The following RARB variants were observed in gnomAD, a reference collection of about 807,000 sequenced individuals.
The protein encoded by RARB is HBV-activated protein.
In RARB, 17 loss-of-function variants were observed where a neutral mutation model predicts 51.9. That is an observed-to-expected ratio of 0.33 (90% CI 0.22 to 0.49). The LOEUF (loss-of-function observed/expected upper bound fraction) is 0.49. RARB is among the 20% of genes least tolerant of loss of function. RARB has a pLI of 0.99. For synonymous variants in RARB, 215 were observed against 195.4 expected, an observed-to-expected ratio of 1.10 and a Z score of -0.84; for missense variants, 369 against 550.8, an observed-to-expected ratio of 0.67 and a Z score of 3.30.
intron 3 of RARB, among the ~76,000 whole-genome samples, chr3:25,522,812 G>C (rs1575484839): frequency 2.6e-5 from 4 of 152,230 alleles, no homozygotes. Flanking sequence ...GGTATATTTT[G>C]AAACTGTATG....
chr3:25,344,310 G>C (rs1354052356), intron 5 of RARB, among the ~76,000 whole-genome samples: 1 of 152,056 alleles, frequency 6.6e-6, no homozygotes, highest in Non-Finnish European at 1.5e-5. Context: ...ATTAATTTTT[G>C]TCTGAGGTCC....
intron 3 of RARB, among the ~76,000 whole-genome samples, chr3:25,083,623 A>G (rs764190889): frequency 5.3e-5 from 8 of 152,168 alleles, no homozygotes; most frequent in Middle Eastern, 6.8e-3. Context: ...CGTTTCTGTC[A>G]TGTCTGGGTT....
rs17015470 is a variant in RARB, at chr3:24,926,943, C to T, written c.-380+68191C>T. Reference sequence around the variant, plus strand: ...GTTTGAGTGTTTTCTTGTCATAACTCAGCTGAACTTCGAAATAAGAGCCAT... The same window carrying T: ...GTTTGAGTGTTTTCTTGTCATAACTTAGCTGAACTTCGAAATAAGAGCCAT... On this transcript the variant is annotated intron_variant, in intron 2 of 11. Coordinates refer to the RARB transcript ENST00000383772. Among the ~76,000 whole-genome samples the T allele has an allele frequency of 3.2e-3, 488 of 152,062 alleles. 22 individuals carry two copies. In the East Asian group the frequency reaches 0.076, roughly 24 times the overall value.
intron 5 of RARB, among the ~76,000 whole-genome samples, chr3:25,282,092 TAAAGG>T (rs1703537037): frequency 6.6e-6 from 1 of 152,188 alleles, no homozygotes; most frequent in African/African-American, 2.4e-5. Flanking sequence ...CCTAGTTTAG[TAAAGG>T]AAAGAGAGAA....
At chr3:24,954,200 C>A (rs1384647543) in intron 2 of RARB, among the ~76,000 whole-genome samples, 1 of 152,120 alleles carries the variant, frequency 6.6e-6, no homozygotes, top group African/African-American at 2.4e-5. Context: ...CTTGAAACAA[C>A]AATAGACAAT....
intron 2 of RARB, among the ~76,000 whole-genome samples, chr3:25,484,506 G>T (rs1030804733): frequency 1.3e-5 from 2 of 151,714 alleles, no homozygotes; most frequent in African/African-American, 4.8e-5. Flanking sequence ...TGGCCCATAG[G>T]CTAAACCGGG....
chr3:25,067,448 C>T (rs112642702), intron 3 of RARB, among the ~76,000 whole-genome samples: 5 of 152,260 alleles, frequency 3.3e-5, no homozygotes, highest in African/African-American at 1.2e-4. Flanking sequence ...TGACGTGATG[C>T]AGGAAAGAAA....
At chr3:25,078,689 G>A (rs146945670) in intron 3 of RARB, among the ~76,000 whole-genome samples, 108 of 151,988 alleles carry the variant, frequency 7.1e-4, no homozygotes, top group African/African-American at 5.3e-4. Flanking sequence ...CCGCCACCAC[G>A]CTTGACTAAT....
chr3:24,913,268 G>A lies in RARB; in HGVS notation c.-380+54516G>A, dbSNP rs372086131. ...CAAAGTGCTGGGATTACAGGTGTGA[G>A]CCACCGCGCCCAGCCGGTACTGTTC... On this transcript the variant is annotated intron_variant, in intron 2 of 11. Coordinates refer to the RARB transcript ENST00000383772. 4.5e-3 allele frequency among the ~76,000 whole-genome samples: 688 copies of A among 152,108 alleles called. 2 individuals are homozygous for A. The highest frequency in any genetic ancestry group is 0.02 in the Middle Eastern group (6 of 294).
intron 4 of RARB, among the ~76,000 whole-genome samples, chr3:25,146,440 T>C (rs982482663): frequency 6.6e-6 from 1 of 151,870 alleles, no homozygotes; most frequent in Admixed American, 6.6e-5. Context: ...AAAAATTAAT[T>C]TGCAAAAACA....
chr3:25,385,594 A>C lies in RARB; in HGVS notation c.179-75599A>C, dbSNP rs143825441. The stretch of plus-strand genomic sequence containing the variant: ...CTGGCTCAGCCAGACCTTCAGATTA[A>C]AGCAAAGCCATCAAGTCTGTATTAG... On this transcript the variant is annotated intron_variant, in intron 5 of 11. Transcript: ENST00000383772. Among the ~76,000 whole-genome samples, 33 of 152,220 alleles carry C rather than the reference A, an allele frequency of 2.2e-4. 1 individual carries two copies. The highest frequency in any genetic ancestry group is 7.2e-4 in the African/African-American group (30 of 41,538).
chr3:25,384,233 T>A (rs1224970552), intron 5 of RARB, among the ~76,000 whole-genome samples: 5 of 152,200 alleles, frequency 3.3e-5, no homozygotes, highest in African/African-American at 7.2e-5. Context: ...GTTAACTAGT[T>A]GTCTGGCTTT....
chr3:25,523,761 C>A (rs1316281832), intron 3 of RARB, among the ~76,000 whole-genome samples: 1 of 152,160 alleles, frequency 6.6e-6, no homozygotes, highest in Non-Finnish European at 1.5e-5. Flanking sequence ...AAAGAATCAG[C>A]CCTCACTCAC....
At chr3:25,068,113 G>T (rs368605447) in intron 3 of RARB, among the ~76,000 whole-genome samples, 3 of 112,162 alleles carry the variant, frequency 2.7e-5, no homozygotes, top group African/African-American at 1.0e-4. Flanking sequence ...CAGCCTGGGC[G>T]ACAGAGAGAG....
In RARB at chr3:24,955,338, G is replaced by C. The variant is rs74468986; in HGVS notation, c.-380+96586G>C. Among the ~76,000 whole-genome samples, 99 of 151,736 alleles carry C rather than the reference G, an allele frequency of 6.5e-4. No homozygotes were observed. In the East Asian group the frequency reaches 0.015, roughly 23 times the overall value. ...CAATCAGCCACTTGTCTCTTTGCCA[G>C]CTGAGGTCTGGGGTTTATATAAACA... On this transcript the variant is annotated intron_variant, in intron 2 of 11. Coordinates refer to the RARB transcript ENST00000383772.
At chr3:25,022,440 A>T (rs1473566547) in intron 2 of RARB, among the ~76,000 whole-genome samples, 21 of 152,176 alleles carry the variant, frequency 1.4e-4, no homozygotes. Flanking sequence ...TGCATATTTT[A>T]TCACCGATGC....
intron 3 of RARB, among the ~76,000 whole-genome samples, chr3:25,108,561 C>G (rs1426165740): frequency 6.6e-6 from 1 of 152,096 alleles, no homozygotes; most frequent in Non-Finnish European, 1.5e-5. Flanking sequence ...TTGGTTAGGA[C>G]TCAGTCGCGT....
intron 5 of RARB, among the ~76,000 whole-genome samples, chr3:25,266,504 T>G (rs1703129629): frequency 6.6e-6 from 1 of 152,184 alleles, no homozygotes; most frequent in Admixed American, 6.5e-5. Flanking sequence ...ATTTTAAAAT[T>G]TATGGTCTCT....
chr3:25,146,499 GTTTGTTTGTTTGTT>G lies in RARB; in HGVS notation c.-280+14295_-280+14308del, dbSNP rs1423128805. Among the ~76,000 whole-genome samples, 191 of 104,440 alleles carry G rather than the reference GTTTGTTTGTTTGTT, an allele frequency of 1.8e-3. 1 individual carries two copies. The highest frequency in any genetic ancestry group is 6.3e-3 in the African/African-American group (179 of 28,414). 68.5% of individuals were successfully genotyped at this position (104,440 alleles called of 152,430 possible). On this transcript the variant is annotated intron_variant, in intron 4 of 11. Coordinates refer to the RARB transcript ENST00000383772. The stretch of plus-strand genomic sequence containing the variant: ...CAGGCTATAATTTGCTAAGTTTTTT[GTTTGTTTGTTTGTT>G]TTTTTTTTTTTGAGACAAGAGTCTC...
Sources: gnomAD v4.1 joint callset for allele counts (sites outside exome capture counted in the v4.1 genomes callset) on GRCh38, gnomAD v4.1.1 for gene constraint, MANE v1.5 for transcripts, NCBI Gene and HGNC (gene_info 2026-07-23, HGNC 2026-07-21) for gene names.